Variants in IFNAR2 observed in about 807,000 individuals in gnomAD.
IFNAR2 encodes interferon alpha/beta receptor 2.
In IFNAR2, 30 loss-of-function variants were observed where a neutral mutation model predicts 49.4. That is an observed-to-expected ratio of 0.61 (90% CI 0.45 to 0.82). The LOEUF is 0.82. Among genes scored for constraint, IFNAR2 ranks in the 40% least tolerant of loss-of-function variants. The probability of loss-of-function intolerance (pLI) is 0.00; values close to 1 mark genes in which losing one functional copy is unlikely to be tolerated. For synonymous variants in IFNAR2, 224 were observed against 234.5 expected (o/e 0.96, Z 0.41); for missense variants, 600 against 622.7 (o/e 0.96, Z 0.39).
At position 33,248,768 on chromosome 21, in the gene IFNAR2, G is replaced by A; in HGVS notation, c.454G>A (p.Val152Met). Reference protein sequence around the residue: ...VGFTNHINVMVKFPSIVEEEL... With the variant: ...VGFTNHINVMMKFPSIVEEEL... ...TTTTACCAACCACATTAATGTGATG[G>A]TGAAATTTCCATCTATTGTTGAGGA... Residue 152 changes from valine to methionine, a missense_variant, in exon 6 of 9, where the codon GTG (valine) becomes ATG (methionine). By Grantham distance (21) the Val-to-Met change is conservative (BLOSUM62 1). Coordinates refer to ENST00000342136, the MANE Select transcript of IFNAR2 (RefSeq NM_001289125.3). 1 of 1,612,224 alleles carries A rather than the reference G, an allele frequency of 6.2e-7. No homozygotes were observed. The highest frequency in any genetic ancestry group is 8.5e-7 in the Non-Finnish European group (1 of 1,178,924).
At chr21:33,246,286 G>A (rs1216508492) in intron 4 of IFNAR2, among the ~76,000 whole-genome samples, 1 of 152,074 alleles carries the variant, frequency 6.6e-6, no homozygotes, top group Non-Finnish European at 1.5e-5. Context: ...TAGCCAGGAT[G>A]GTCTCAATCT....
chr21:33,235,529 C>T (rs1430832523), intron 1 of IFNAR2, among the ~76,000 whole-genome samples: 1 of 152,150 alleles, frequency 6.6e-6, no homozygotes, highest in Non-Finnish European at 1.5e-5. Flanking sequence ...ATAAAAATGC[C>T]TGAGAAAGTA....
In IFNAR2 at chr21:33,234,183, C is replaced by CTGTGTGTGTGTGTGTGTGTGTG. The variant is rs61686449; in HGVS notation, c.-84+3987_-84+4008dup. Among the ~76,000 whole-genome samples, 50 of 140,796 alleles carry CTGTGTGTGTGTGTGTGTGTGTG rather than the reference C, an allele frequency of 3.6e-4. 1 individual carries two copies. Among genetic ancestry groups the CTGTGTGTGTGTGTGTGTGTGTG allele is most frequent in the South Asian group, 1.7e-3 (7 of 4,206 alleles). 92.4% of individuals were successfully genotyped at this position (140,796 alleles called of 152,430 possible). A position where few individuals can be genotyped will look rare whatever the true frequency, so the allele number is the denominator to read the frequency against. ...TCCCAAGTAACATTAAACAGAAACA[C>CTGTGTGTGTGTGTGTGTGTGTG]TGTGTGTGTGTGTGTGTGTGTGTGT... On this transcript the variant is annotated intron_variant, in intron 1 of 8. Coordinates refer to ENST00000342136, the MANE Select transcript of IFNAR2 (RefSeq NM_001289125.3).
At chr21:33,246,329 C>A (rs536955493) in intron 4 of IFNAR2, among the ~76,000 whole-genome samples, 63 of 152,282 alleles carry the variant, frequency 4.1e-4, no homozygotes, top group African/African-American at 1.4e-3. Flanking sequence ...CTTGGCCTCC[C>A]AAAGTGCTGG....
intron 5 of IFNAR2, among the ~76,000 whole-genome samples, chr21:33,248,220 A>G (rs1327129232): frequency 1.3e-5 from 2 of 152,120 alleles, no homozygotes; most frequent in African/African-American, 4.8e-5. Context: ...CAAAGAAATT[A>G]TTAAGGCCAG....
At chr21:33,235,259 A>G (rs1986361617) in intron 1 of IFNAR2, among the ~76,000 whole-genome samples, 1 of 152,180 alleles carries the variant, frequency 6.6e-6, no homozygotes, top group African/African-American at 2.4e-5. Flanking sequence ...AAGAATGCCT[A>G]ACCCCCTGGG....
intron 6 of IFNAR2, chr21:33,251,433 A>T: frequency 2.5e-6 from 1 of 393,812 alleles, no homozygotes; most frequent in Non-Finnish European, 3.5e-6. Flanking sequence ...AGTAGATTCA[A>T]GAAAGAGTGG....
intron 7 of IFNAR2, among the ~76,000 whole-genome samples, chr21:33,257,190 G>C (rs1988262306): frequency 6.6e-6 from 1 of 152,168 alleles, no homozygotes; most frequent in Non-Finnish European, 1.5e-5. Context: ...CTCCAGATGA[G>C]GCAGCCCCCT....
At chr21:33,259,178 C>T (rs1988409437) in intron 7 of IFNAR2, among the ~76,000 whole-genome samples, 1 of 151,812 alleles carries the variant, frequency 6.6e-6, no homozygotes, top group African/African-American at 2.4e-5. Context: ...ACAGGTTTGT[C>T]CAAGGCCAAA....
chr21:33,248,569 A>G lies in IFNAR2; in HGVS notation c.395-140A>G. On this transcript the variant is annotated intron_variant, in intron 5 of 8. Transcript: ENST00000342136. ...TCATGATACAGTCACTTAGTGGAAT[A>G]GCATTAGCAATGAAAAATTATGATG... The G allele has an allele frequency of 8.4e-6, 5 of 597,822 alleles. No homozygotes were observed. In the South Asian group the frequency reaches 1.4e-4, roughly 17 times the overall value. The allele number at this position is 597,822 out of a possible 1,614,324, so 37.0% of individuals were successfully genotyped here. A position where few individuals can be genotyped will look rare whatever the true frequency, so the allele number is the denominator to read the frequency against.
Position 33,260,623 on chromosome 21 carries a change from G to A in IFNAR2, c.736G>A (p.Gly246Arg). 1 of 1,592,642 alleles carries A rather than the reference G, an allele frequency of 6.3e-7. No individual in the cohort carries two copies. The highest frequency in any genetic ancestry group is 8.5e-7 in the Non-Finnish European group (1 of 1,173,572). Residue 246 changes from glycine to arginine, a missense_variant, in exon 8 of 9, where the codon GGA becomes AGA. Coordinates refer to ENST00000342136, the MANE Select transcript of IFNAR2 (RefSeq NM_001289125.3). ...ATCAGCAGAATCTGCCAAAATAGGA[G>A]GAATAATTACTGTGTTTTTGATAGC... ...SESAESAKIGGIITVFLIALV... is the reference protein window; with the variant it reads ...SESAESAKIGRIITVFLIALV...
intron 7 of IFNAR2, among the ~76,000 whole-genome samples, chr21:33,253,903 C>T (rs548581548): frequency 1.4e-3 from 210 of 152,222 alleles, no homozygotes; most frequent in Non-Finnish European, 2.5e-3. Flanking sequence ...TCTTTACCAA[C>T]GGTATCTTGT....
At chr21:33,245,125 T>A (rs374816547) in intron 4 of IFNAR2, 51 bp downstream of exon 4, 1 of 1,354,298 alleles carries the variant, frequency 7.4e-7, no homozygotes, top group African/African-American at 1.4e-5. Flanking sequence ...TGTTCTGTTA[T>A]ATGGGGAGAG....
intron 7 of IFNAR2, among the ~76,000 whole-genome samples, chr21:33,255,321 C>T (rs1215303082): frequency 6.6e-6 from 1 of 152,194 alleles, no homozygotes; most frequent in East Asian, 1.9e-4. Flanking sequence ...AAGGCTCAGT[C>T]CCACAAAACT....
At chr21:33,262,548 T>G in intron 8 of IFNAR2, 1 of 697,030 alleles carries the variant, frequency 1.4e-6, no homozygotes, top group Non-Finnish European at 2.6e-6. Flanking sequence ...AAGTTTATTT[T>G]TTATTTTTTT....
At chr21:33,249,004 G>A in intron 6 of IFNAR2, 150 bp downstream of exon 6, 1 of 623,732 alleles carries the variant, frequency 1.6e-6, no homozygotes, top group East Asian at 2.9e-5. Context: ...AAGTCACTAT[G>A]GTTCATTCAC....
At chr21:33,259,611 G>A (rs1054147612) in intron 7 of IFNAR2, among the ~76,000 whole-genome samples, 1 of 152,162 alleles carries the variant, frequency 6.6e-6, no homozygotes, top group Non-Finnish European at 1.5e-5. Context: ...TCCTTCACCA[G>A]TGAAATCACT....
rs752114205 is a variant in IFNAR2, at chr21:33,263,263, C to T, written c.1311C>T (p.Asp437=). 23 of 1,614,040 alleles carry T rather than the reference C, an allele frequency of 1.4e-5. No homozygotes were observed. The highest frequency in any genetic ancestry group is 6.7e-5 in the East Asian group (3 of 44,894). Residue 437 remains aspartate (D), a synonymous_variant, in exon 9 of 9, where the codon GAC becomes GAT. Transcript: ENST00000342136. ...CTGTGTTTTTGAGAGTTCTTGATGA[C>T]GAGGACAGTGACGACTTAGAAGCCC... ...LNSVFLRVLD[D]EDSDDLEAPL... is the part of the protein sequence containing the mutation.
chr21:33,253,023 A>G (rs1286297661), intron 7 of IFNAR2, among the ~76,000 whole-genome samples, 193 bp downstream of exon 7: 1 of 152,178 alleles, frequency 6.6e-6, no homozygotes, highest in African/African-American at 2.4e-5. Flanking sequence ...TTGTCATACC[A>G]AAAAACAATC....
Sources: gnomAD v4.1 joint callset for allele counts (sites outside exome capture counted in the v4.1 genomes callset) on GRCh38, gnomAD v4.1.1 for gene constraint, MANE v1.5 for transcripts, NCBI Gene and HGNC (gene_info 2026-07-23, HGNC 2026-07-21) for gene names.